The following NRXN1 variants were observed in gnomAD, a reference collection of about 807,000 sequenced individuals.
NRXN1 encodes the protein neurexin-1.
NRXN1 carries 39 observed loss-of-function variants against 150.9 expected under a neutral mutation model. The observed-to-expected ratio is 0.26, with a 90% CI of 0.20 to 0.34. The LOEUF is 0.34. Among genes scored for constraint, NRXN1 ranks in the 10% least tolerant of loss-of-function variants. NRXN1 has a pLI of 1.00. For missense variants in NRXN1, 1,815 were observed against 1,949.9 expected (o/e 0.93, Z 1.30); for synonymous variants, 924 against 757.0 (o/e 1.22, Z -3.62).
chr2:50,517,681 T>C lies in NRXN1; in HGVS notation c.2374+10944A>G, dbSNP rs577505893. ...AAACTTCATGATGCATACAGCCTAG[T>C]GGAACAAAATGACCTAAGGTTAGCA... On this transcript the variant is annotated intron_variant, in intron 12 of 22. Transcript: ENST00000401669. 3.9e-5 allele frequency among the ~76,000 whole-genome samples: 6 copies of C among 152,216 alleles called. No homozygotes were observed. In the East Asian group the frequency reaches 7.7e-4, roughly 20 times the overall value.
intron 19 of NRXN1, among the ~76,000 whole-genome samples, chr2:50,076,824 G>A (rs1340128495): frequency 1.3e-5 from 2 of 152,080 alleles, no homozygotes; most frequent in African/African-American, 4.8e-5. Context: ...TAATCACAAA[G>A]GACCCCTAAA....
In NRXN1 at chr2:50,564,075, T is replaced by C. The variant is rs187798611; in HGVS notation, c.1321-11050A>G. On this transcript the variant is annotated intron_variant, in intron 8 of 22. Coordinates refer to ENST00000401669, the MANE Select transcript of NRXN1 (RefSeq NM_001330078.2). The stretch of plus-strand genomic sequence containing the variant: ...TAAAAACAATGTGTTATAAGATTTA[T>C]ATTTACATATATTCAAACAGTCTCA... Among the ~76,000 whole-genome samples the C allele has an allele frequency of 3.7e-3, 569 of 152,372 alleles. 5 individuals carry two copies. Among genetic ancestry groups the C allele is most frequent in the African/African-American group, 0.013 (544 of 41,592 alleles).
At chr2:50,689,547 A>G (rs1691746447) in intron 5 of NRXN1, among the ~76,000 whole-genome samples, 1 of 152,126 alleles carries the variant, frequency 6.6e-6, no homozygotes, top group Admixed American at 6.6e-5. Context: ...GATTTCCCAG[A>G]TAGAAGTCTT....
chr2:50,470,239 T>C (rs1184290350), intron 16 of NRXN1, among the ~76,000 whole-genome samples: 2 of 151,822 alleles, frequency 1.3e-5, no homozygotes, highest in Non-Finnish European at 1.5e-5. Context: ...CCAAGAATTA[T>C]TATGTTGTAT....
intron 12 of NRXN1, among the ~76,000 whole-genome samples, chr2:50,509,012 G>T (rs2092352075): frequency 6.6e-6 from 1 of 152,164 alleles, no homozygotes. Context: ...GTTGGGGGTT[G>T]CTGAGTGCTT....
chr2:50,387,686 G>A (rs1018246038), intron 17 of NRXN1, among the ~76,000 whole-genome samples: 85 of 152,180 alleles, frequency 5.6e-4, no homozygotes, highest in African/African-American at 2.0e-3. Context: ...CAGCTGAAGT[G>A]CATGGTCCTA....
At chr2:50,255,625 C>A (rs2067623781) in intron 17 of NRXN1, among the ~76,000 whole-genome samples, 1 of 152,036 alleles carries the variant, frequency 6.6e-6, no homozygotes, top group African/African-American at 2.4e-5. Flanking sequence ...GGAGAAAAAC[C>A]TATAAAACAG....
At chr2:49,944,163 TG>T (rs1672489085) in intron 21 of NRXN1, among the ~76,000 whole-genome samples, 1 of 152,210 alleles carries the variant, frequency 6.6e-6, no homozygotes, top group Non-Finnish European at 1.5e-5. Context: ...GTGGGCTTTA[TG>T]TAGTACTTGT....
chr2:50,781,372 G>GA (rs1180416924), intron 5 of NRXN1, among the ~76,000 whole-genome samples: 284 of 141,226 alleles, frequency 2.0e-3, no homozygotes, highest in East Asian at 7.6e-3. Flanking sequence ...AAAGTCTGGG[G>GA]AAAAAAAAAA....
intron 5 of NRXN1, among the ~76,000 whole-genome samples, chr2:50,703,107 AT>A (rs1693981533): frequency 6.6e-6 from 1 of 152,244 alleles, no homozygotes; most frequent in African/African-American, 2.4e-5. Context: ...TGCTCATTTC[AT>A]TTAATTGTAA....
At chr2:50,341,566 C>G (rs1205161703) in intron 17 of NRXN1, among the ~76,000 whole-genome samples, 1 of 152,130 alleles carries the variant, frequency 6.6e-6, no homozygotes, top group Non-Finnish European at 1.5e-5. Flanking sequence ...TGGCAATGGC[C>G]AAATTTTTAC....
intron 17 of NRXN1, among the ~76,000 whole-genome samples, chr2:50,430,373 T>C (rs551166146): frequency 6.6e-6 from 1 of 152,308 alleles, no homozygotes; most frequent in South Asian, 2.1e-4. Flanking sequence ...ATACCAACAC[T>C]ATCCAATAGA....
chr2:50,668,349 T>A (rs1239227998), intron 5 of NRXN1, among the ~76,000 whole-genome samples: 1 of 151,878 alleles, frequency 6.6e-6, no homozygotes, highest in South Asian at 2.1e-4. Flanking sequence ...AGTCAACATG[T>A]GAAAAATTTT....
At chr2:50,900,511 G>A (rs567030745) in intron 5 of NRXN1, among the ~76,000 whole-genome samples, 10 of 152,228 alleles carry the variant, frequency 6.6e-5, no homozygotes, top group African/African-American at 2.2e-4. Flanking sequence ...TTTAGAAAAC[G>A]GAAGGCATTT....
intron 17 of NRXN1, among the ~76,000 whole-genome samples, chr2:50,429,064 A>C (rs1417777731): frequency 6.6e-6 from 1 of 152,112 alleles, no homozygotes; most frequent in Non-Finnish European, 1.5e-5. Context: ...TTTTTGCCAT[A>C]CACATTTTTT....
chr2:50,031,257 A>T (rs1208800789), intron 21 of NRXN1, among the ~76,000 whole-genome samples: 1 of 152,050 alleles, frequency 6.6e-6, no homozygotes, highest in Non-Finnish European at 1.5e-5. Flanking sequence ...CTTTTGCTCA[A>T]ACTCAGATTA....
intron 8 of NRXN1, among the ~76,000 whole-genome samples, chr2:50,595,871 C>G (rs1000818982): frequency 2.0e-5 from 3 of 152,104 alleles, no homozygotes; most frequent in African/African-American, 7.2e-5. Context: ...TAAAACAATG[C>G]AAAAAATAAG....
chr2:50,608,451 T>G (rs915034473), intron 8 of NRXN1, among the ~76,000 whole-genome samples: 16 of 152,278 alleles, frequency 1.1e-4, no homozygotes, highest in African/African-American at 3.9e-4. Context: ...ACAGCTTGTT[T>G]AGTAAATCTC....
At chr2:50,156,782 G>T (rs1037488512) in intron 18 of NRXN1, among the ~76,000 whole-genome samples, 1 of 151,798 alleles carries the variant, frequency 6.6e-6, no homozygotes, top group African/African-American at 2.4e-5. Context: ...TTTCAAGTCA[G>T]TTGCAAGTAA....
Sources: gnomAD v4.1 joint callset for allele counts (sites outside exome capture counted in the v4.1 genomes callset) on GRCh38, gnomAD v4.1.1 for gene constraint, MANE v1.5 for transcripts, NCBI Gene and HGNC (gene_info 2026-07-23, HGNC 2026-07-21) for gene names.